Variants in CFAP61 observed in about 807,000 individuals in gnomAD.
CFAP61 encodes cilia- and flagella-associated protein 61.
A neutral mutation model predicts 135.6 loss-of-function variants in CFAP61; 107 were observed. That is an observed-to-expected ratio of 0.79 (90% CI 0.67 to 0.93). CFAP61 has a LOEUF of 0.93. Among genes scored for constraint, CFAP61 ranks in the 40% least tolerant of loss-of-function variants. The pLI is 0.00. For missense variants in CFAP61, 1,507 were observed against 1,556.2 expected (o/e 0.97, Z 0.53); for synonymous variants, 575 against 578.5 (o/e 0.99, Z 0.09).
chr20:20,333,021 C>T (rs572488026), intron 25 of CFAP61, among the ~76,000 whole-genome samples: 5 of 152,262 alleles, frequency 3.3e-5, no homozygotes, highest in Admixed American at 3.3e-4. Flanking sequence ...TTAATTTATG[C>T]AGTACTTTCA....
intron 13 of CFAP61, among the ~76,000 whole-genome samples, chr20:20,176,653 T>C (rs1601190188): frequency 2.0e-5 from 3 of 151,932 alleles, no homozygotes. Context: ...GGGAGCTGAA[T>C]GATGAGAACA....
At chr20:20,083,932 G>T (rs533575441) in intron 6 of CFAP61, among the ~76,000 whole-genome samples, 2 of 152,178 alleles carry the variant, frequency 1.3e-5, no homozygotes, top group African/African-American at 4.8e-5. Context: ...AACCCATTTG[G>T]AAGTTCTACA....
At chr20:20,145,615 A>G (rs541189840) in intron 9 of CFAP61, among the ~76,000 whole-genome samples, 3 of 152,364 alleles carry the variant, frequency 2.0e-5, no homozygotes, top group Admixed American at 2.0e-4. Context: ...TGCAAAATTC[A>G]GTTATATGTA....
chr20:20,194,859 T>C (rs2056176184), intron 15 of CFAP61, among the ~76,000 whole-genome samples: 1 of 152,184 alleles, frequency 6.6e-6, no homozygotes, highest in Non-Finnish European at 1.5e-5. Context: ...TGTCCTCCAT[T>C]ATGCTCTCAT....
At chr20:20,358,039 AGAGGTGGTCATAGTGTGAGGG>A (rs1569336313) in intron 26 of CFAP61, among the ~76,000 whole-genome samples, 1 of 60,082 alleles carries the variant, frequency 1.7e-5, no homozygotes, top group Admixed American at 2.0e-4. Flanking sequence ...CACACTGAGG[AGAGGTGGTCATAGTGTGAGGG>A]GAGGTGGTCA....
intron 24 of CFAP61, among the ~76,000 whole-genome samples, chr20:20,293,370 C>T (rs1030254855): frequency 5.9e-5 from 9 of 152,306 alleles, no homozygotes; most frequent in African/African-American, 1.4e-4. Flanking sequence ...AACCATTTTG[C>T]CAGGTGGGCC....
chr20:20,317,344 T>C (rs1238597472), intron 25 of CFAP61, among the ~76,000 whole-genome samples: 1 of 152,108 alleles, frequency 6.6e-6, no homozygotes, highest in East Asian at 1.9e-4. Flanking sequence ...GCTGCACAGC[T>C]CCTCTCTCTG....
intron 25 of CFAP61, among the ~76,000 whole-genome samples, chr20:20,339,243 T>C (rs975014144): frequency 6.6e-6 from 1 of 152,154 alleles, no homozygotes; most frequent in African/African-American, 2.4e-5. Context: ...AAAAAGTTAA[T>C]ATTTTTTATT....
intron 21 of CFAP61, among the ~76,000 whole-genome samples, chr20:20,270,714 C>T (rs1352067633): frequency 6.7e-5 from 10 of 149,246 alleles, no homozygotes; most frequent in Non-Finnish European, 1.3e-4. Context: ...GAGCCTGTCT[C>T]TGTCACCCCC....
At chr20:20,182,350 T>C (rs1601236428) in intron 13 of CFAP61, among the ~76,000 whole-genome samples, 2 of 152,356 alleles carry the variant, frequency 1.3e-5, no homozygotes, top group Admixed American at 1.3e-4. Flanking sequence ...CTTAAAGTCA[T>C]TGTATTTTTC....
At chr20:20,135,017 A>G (rs2050814161) in intron 8 of CFAP61, among the ~76,000 whole-genome samples, 1 of 151,614 alleles carries the variant, frequency 6.6e-6, no homozygotes, top group Non-Finnish European at 1.5e-5. Flanking sequence ...AGATCTTGAG[A>G]TAAGGAGATT....
At chr20:20,224,599 A>G (rs1268234390) in intron 17 of CFAP61, among the ~76,000 whole-genome samples, 2 of 152,176 alleles carry the variant, frequency 1.3e-5, no homozygotes, top group Non-Finnish European at 2.9e-5. Context: ...CCCTTTGTCA[A>G]GAATCACTTG....
intron 11 of CFAP61, among the ~76,000 whole-genome samples, chr20:20,166,075 T>A (rs574058031): frequency 9.8e-5 from 15 of 152,320 alleles, no homozygotes; most frequent in African/African-American, 3.4e-4. Flanking sequence ...AAGCAACCTA[T>A]AATATTTCCC....
chr20:20,245,502 C>A (rs1490467396), intron 18 of CFAP61, among the ~76,000 whole-genome samples: 1 of 152,202 alleles, frequency 6.6e-6, no homozygotes, highest in African/African-American at 2.4e-5. Context: ...ATAGGAAAGA[C>A]CTGTTCCCAT....
chr20:20,165,128 T>C (rs1318837985), intron 11 of CFAP61, among the ~76,000 whole-genome samples: 1 of 152,192 alleles, frequency 6.6e-6, no homozygotes, highest in Non-Finnish European at 1.5e-5. Context: ...GTTGGACCCC[T>C]TCTCAGAGGA....
At chr20:20,230,268 G>A (rs193147300) in intron 18 of CFAP61, among the ~76,000 whole-genome samples, 25 of 152,126 alleles carry the variant, frequency 1.6e-4, no homozygotes, top group Middle Eastern at 6.8e-3. Flanking sequence ...CACAGATTAC[G>A]TACACTAAAA....
intron 13 of CFAP61, chr20:20,171,871 AC>A: frequency 1.5e-6 from 1 of 661,546 alleles, no homozygotes; most frequent in East Asian, 2.8e-5. Context: ...GCCAGAGTGG[AC>A]TTTTCTTCCT....
chr20:20,147,323 C>CTGTT (rs1482890587), intron 9 of CFAP61, among the ~76,000 whole-genome samples: 1 of 152,210 alleles, frequency 6.6e-6, no homozygotes, highest in African/African-American at 2.4e-5. Flanking sequence ...AATCTCCAAA[C>CTGTT]TGTTGTCCAT....
rs745863433 is a variant in CFAP61, at chr20:20,169,395, G to C, written c.1320G>C (p.Met440Ile). The C allele has an allele frequency of 6.2e-7, 1 of 1,613,834 alleles. No homozygotes were observed. The highest frequency in any genetic ancestry group is 1.1e-5 in the South Asian group (1 of 91,044). The change falls in exon 13 of 27, where the codon ATG becomes ATC. Residue 440 changes from methionine to isoleucine, a missense_variant. Transcript: ENST00000245957. ...EFFLIQNFVK[M>I]VPFNTCTLEQ... is the part of the protein sequence containing the mutation. ...TCCTCATCCAGAACTTCGTGAAAATGGTCCCTTTCAACACCTGCACCCTCG... is the reference window on the plus strand; with the variant it reads ...TCCTCATCCAGAACTTCGTGAAAATCGTCCCTTTCAACACCTGCACCCTCG...
Sources: allele counts gnomAD v4.1 joint callset (sites outside exome capture counted in the v4.1 genomes callset), GRCh38; gene constraint gnomAD v4.1.1; transcripts MANE v1.5; gene names NCBI Gene and HGNC (gene_info 2026-07-23, HGNC 2026-07-21).